CDHR3: variants seen among roughly 807,000 people sequenced by gnomAD.
CDHR3 encodes the protein cadherin related family member 3.
Under a neutral mutation model 86.6 loss-of-function variants are expected in CDHR3, and 79 were observed. The observed-to-expected ratio is 0.91, with a 90% confidence interval of 0.76 to 1.10. The LOEUF (loss-of-function observed/expected upper bound fraction) is 1.10, where lower values mean the gene tolerates loss of function less well. Ranked by LOEUF, CDHR3 falls within the 50% of genes least tolerant of loss-of-function variation. The pLI is 0.00. For missense variants in CDHR3, 1,081 were observed against 1,077.6 expected (o/e 1.00, Z -0.04); for synonymous variants, 421 against 402.4 (o/e 1.05, Z -0.55).
chr7:106,025,281 T>C (rs1837190150), intron 15 of CDHR3, among the ~76,000 whole-genome samples: 1 of 152,222 alleles, frequency 6.6e-6, no homozygotes, highest in Non-Finnish European at 1.5e-5. Context: ...GTTCTGAGCC[T>C]GAGTTTTGGA....
At chr7:105,984,103 C>T in intron 3 of CDHR3, 89 bp from the exon 4 acceptor site, 2 of 663,540 alleles carry the variant, frequency 3.0e-6, no homozygotes, top group Non-Finnish European at 4.8e-6. Flanking sequence ...CCCTTGGTTC[C>T]CTTGGTTGTG....
chr7:105,993,677 C>CAAAAAAAAAAAA (rs55787798), intron 4 of CDHR3, among the ~76,000 whole-genome samples: 1 of 91,756 alleles, frequency 1.1e-5, no homozygotes, highest in African/African-American at 4.2e-5. Flanking sequence ...CTCTGTCTCA[C>CAAAAAAAAAAAA]AAAAAAAAAA....
Position 105,963,349 on chromosome 7 carries a change from C to G in CDHR3, c.31C>G (p.Leu11Val), listed in dbSNP as rs932274000. 6.2e-7 allele frequency: 1 copy of G among 1,614,052 alleles called. No homozygotes were observed. The highest frequency in any genetic ancestry group is 8.5e-7 in the Non-Finnish European group (1 of 1,179,882). Residue 11 changes from leucine to valine, a missense_variant, in exon 1 of 19, where the codon CTG becomes GTG. Transcript: ENST00000317716. Reference sequence around the variant, plus strand: ...GGAAGCAATCATTCTCCTGGCTCTCCTGGGTGCCATGTCAGGTAGGAACTC... The same window carrying G: ...GGAAGCAATCATTCTCCTGGCTCTCGTGGGTGCCATGTCAGGTAGGAACTC... MQEAIILLAL[L>V]GAMSGGEALH...
At chr7:106,023,886 C>A (rs1412979563) in intron 14 of CDHR3, among the ~76,000 whole-genome samples, 1 of 152,216 alleles carries the variant, frequency 6.6e-6, no homozygotes, top group African/African-American at 2.4e-5. Flanking sequence ...TGTTTGTTAT[C>A]TGTCTCCAGC....
intron 2 of CDHR3, among the ~76,000 whole-genome samples, chr7:105,975,843 T>C (rs1171059058): frequency 6.6e-6 from 1 of 152,204 alleles, no homozygotes; most frequent in Non-Finnish European, 1.5e-5. Flanking sequence ...CAACCTGCCA[T>C]TCCTCTGGGT....
intron 8 of CDHR3, among the ~76,000 whole-genome samples, chr7:106,007,417 T>C (rs779294691): frequency 6.6e-6 from 1 of 152,228 alleles, no homozygotes; most frequent in African/African-American, 2.4e-5. Context: ...ACTTTTAAGC[T>C]CTGCTTCCCT....
chr7:105,996,563 A>G (rs944774200), intron 6 of CDHR3, among the ~76,000 whole-genome samples: 8 of 152,050 alleles, frequency 5.3e-5, no homozygotes, highest in African/African-American at 1.9e-4. Flanking sequence ...CTGTACCCAC[A>G]CATTCACATG....
chr7:106,030,843 A>G lies in CDHR3; in HGVS notation c.2353+3A>G. 6.2e-7 allele frequency: 1 copy of G among 1,609,668 alleles called. No individual in the cohort carries two copies. The highest frequency in any genetic ancestry group is 1.1e-5 in the South Asian group (1 of 89,888). On this transcript the variant is annotated splice_donor_region_variant and intron_variant, in intron 18 of 18. Transcript: ENST00000317716. This position sits in a 1 kb window ranked among gnomAD's most constrained non-coding sequence, Gnocchi z 4.8. Reference sequence around the variant, plus strand: ...TGATGGAGAAGCCATAGATCCAGGTAATTAAGTGGCAATACCACTGTAAGA... The same window carrying G: ...TGATGGAGAAGCCATAGATCCAGGTGATTAAGTGGCAATACCACTGTAAGA...
At chr7:105,975,184 T>C (rs1828611616) in intron 2 of CDHR3, 138 bp downstream of exon 2, 1 of 762,782 alleles carries the variant, frequency 1.3e-6, no homozygotes, top group Non-Finnish European at 2.2e-6. Context: ...GAGTCCTGTC[T>C]GAGGCATCCC....
Position 106,012,913 on chromosome 7 carries a change from A to T in CDHR3, c.1106A>T (p.Lys369Met). Residue 369 changes from lysine (K) to methionine (M), a missense_variant, in exon 9 of 19, where the codon AAG (lysine) becomes ATG (methionine). Coordinates refer to ENST00000317716, the MANE Select transcript of CDHR3 (RefSeq NM_152750.5). ...GGGACGTTGCTTCTTGACCTAAACA[A>T]GTTCTGCTTTGATGATGACAGTGAG... ...AKGTLLLDLN[K>M]FCFDDDSEAP... 6.2e-7 allele frequency: 1 copy of T among 1,613,660 alleles called. No homozygotes were observed. Among genetic ancestry groups the T allele is most frequent in the Non-Finnish European group, 8.5e-7 (1 of 1,179,760 alleles).
At chr7:105,980,737 T>C (rs1437810035) in intron 2 of CDHR3, among the ~76,000 whole-genome samples, 2 of 151,948 alleles carry the variant, frequency 1.3e-5, no homozygotes, top group Non-Finnish European at 2.9e-5. Context: ...CTCCTGACTA[T>C]TTTTCTTTCC....
At chr7:105,965,806 A>C (rs1826831868) in intron 1 of CDHR3, among the ~76,000 whole-genome samples, 1 of 152,212 alleles carries the variant, frequency 6.6e-6, no homozygotes, top group South Asian at 2.1e-4. Context: ...GATTTCATAT[A>C]TCTTATTGCT....
At chr7:106,017,752 T>A (rs1835883039) in intron 11 of CDHR3, 94 bp from the exon 12 acceptor site, 1 of 990,914 alleles carries the variant, frequency 1.0e-6, no homozygotes, top group African/African-American at 1.6e-5. Context: ...CCTCCAGAAG[T>A]CCTTCTTACC....
chr7:105,976,948 T>C (rs1196245771), intron 2 of CDHR3, among the ~76,000 whole-genome samples: 2 of 151,822 alleles, frequency 1.3e-5, no homozygotes, highest in African/African-American at 4.8e-5. Context: ...TGAATTTGCA[T>C]AGAGGCTCCA....
intron 4 of CDHR3, among the ~76,000 whole-genome samples, chr7:105,989,555 G>A (rs968913182): frequency 1.3e-5 from 2 of 151,988 alleles, no homozygotes; most frequent in Non-Finnish European, 2.9e-5. Flanking sequence ...AGCGCAGCAG[G>A]GGCCATCCTT....
chr7:106,009,888 A>C (rs924237985), intron 8 of CDHR3, among the ~76,000 whole-genome samples: 1 of 152,234 alleles, frequency 6.6e-6, no homozygotes, highest in African/African-American at 2.4e-5. Flanking sequence ...GGCTGGACAC[A>C]GTCAACTTTG....
Position 106,034,334 on chromosome 7 carries a change from A to G in CDHR3, c.*1637A>G, listed in dbSNP as rs1266550841. 1.3e-5 allele frequency among the ~76,000 whole-genome samples: 2 copies of G among 152,210 alleles called. No homozygotes were observed. The highest frequency in any genetic ancestry group is 4.8e-5 in the African/African-American group (2 of 41,450). ...CTAAGAAAGGTCCAGGTGAGTGTTC[A>G]TTAGGGAAGCACTCCCTTCCCAACT... On this transcript the variant is annotated 3_prime_UTR_variant, in exon 19 of 19. Coordinates refer to ENST00000317716, the MANE Select transcript of CDHR3 (RefSeq NM_152750.5).
intron 7 of CDHR3, among the ~76,000 whole-genome samples, chr7:106,003,853 G>A (rs1585709971): frequency 6.6e-6 from 1 of 151,878 alleles, no homozygotes; most frequent in Non-Finnish European, 1.5e-5. Flanking sequence ...GACAACCATG[G>A]TTGAGAATTC....
chr7:106,000,709 G>A (rs1367311745), intron 6 of CDHR3, among the ~76,000 whole-genome samples: 6 of 152,134 alleles, frequency 3.9e-5, no homozygotes, highest in Admixed American at 3.9e-4. Flanking sequence ...TTACTGGCCT[G>A]TTCCAAAGGC....
Sources: allele counts gnomAD v4.1 joint callset (sites outside exome capture counted in the v4.1 genomes callset), GRCh38; gene constraint gnomAD v4.1.1; non-coding constraint Gnocchi (gnomAD v3.1); transcripts MANE v1.5; gene names NCBI Gene and HGNC (gene_info 2026-07-23, HGNC 2026-07-21).